The following ZFAND3 variants were observed in gnomAD, a reference collection of about 807,000 sequenced individuals.
The protein encoded by ZFAND3 is zinc finger AN1-type containing 3, also known as AN1-type zinc finger protein 3.
A neutral mutation model predicts 29.6 loss-of-function variants in ZFAND3; 10 were observed. That is an observed-to-expected ratio of 0.34 (90% CI 0.21 to 0.57). The LOEUF is 0.57. Ranked by LOEUF, ZFAND3 falls within the 20% of genes least tolerant of loss-of-function variation. ZFAND3 has a pLI of 0.86. For synonymous variants in ZFAND3, 128 were observed against 112.6 expected (o/e 1.14, Z -0.87); for missense variants, 230 against 304.5 (o/e 0.76, Z 1.82).
chr6:37,841,811 A>G (rs1393824894), intron 1 of ZFAND3, among the ~76,000 whole-genome samples: 7 of 152,178 alleles, frequency 4.6e-5, no homozygotes, highest in Admixed American at 4.6e-4. Flanking sequence ...TACAATTTAT[A>G]TACAGTGAAA....
Position 37,919,154 on chromosome 6 carries a change from A to G in ZFAND3, c.72-10805A>G, listed in dbSNP as rs191970388. On this transcript the variant is annotated intron_variant, in intron 1 of 5. Transcript: ENST00000287218. ...TTTTTAGTAGAGACGGGGTTTCACC[A>G]TGTTGGCCAGGGTGGTCTGAATCTC... 5.7e-3 allele frequency among the ~76,000 whole-genome samples: 865 copies of G among 151,992 alleles called. 7 individuals are homozygous for G. Among genetic ancestry groups the G allele is most frequent in the African/African-American group, 0.02 (828 of 41,474 alleles).
rs556547410 is a variant in ZFAND3 at position 38,007,581 on chromosome 6, G to A, written c.113-54012G>A. ...AAAGATCACTTAGTTCGTTGTGTAGGATTTAGGAATTGCTAATCAAGTAGT... is the reference window on the plus strand; with the variant it reads ...AAAGATCACTTAGTTCGTTGTGTAGAATTTAGGAATTGCTAATCAAGTAGT... On this transcript the variant is annotated intron_variant, in intron 2 of 5. Transcript: ENST00000287218. 2.6e-5 allele frequency among the ~76,000 whole-genome samples: 4 copies of A among 152,162 alleles called. No homozygotes were observed. The South Asian group carries it at 8.3e-4, about 32-fold the overall frequency.
chr6:38,039,954 A>G (rs989915922), intron 2 of ZFAND3, among the ~76,000 whole-genome samples: 10 of 152,142 alleles, frequency 6.6e-5, no homozygotes, highest in African/African-American at 2.4e-4. Context: ...TCAGAAAACA[A>G]TATTATTCTT....
At position 37,862,590 on chromosome 6, in the gene ZFAND3, G is replaced by A. The variant is rs544482316; in HGVS notation, c.71+42574G>A. Among the ~76,000 whole-genome samples the A allele has an allele frequency of 2.0e-5, 3 of 151,930 alleles. 1 individual carries two copies. Among genetic ancestry groups the A allele is most frequent in the African/African-American group, 7.2e-5 (3 of 41,450 alleles). Reference sequence around the variant, plus strand: ...GCTCAGCTACTCAGGAGGTTGAGGTGGGCGGGCTCACTTGAGCTCACTCAG... The same window carrying A: ...GCTCAGCTACTCAGGAGGTTGAGGTAGGCGGGCTCACTTGAGCTCACTCAG... On this transcript the variant is annotated intron_variant, in intron 1 of 5. Transcript: ENST00000287218.
At chr6:37,973,042 A>G (rs1455025703) in intron 2 of ZFAND3, among the ~76,000 whole-genome samples, 1 of 152,098 alleles carries the variant, frequency 6.6e-6, no homozygotes, top group African/African-American at 2.4e-5. Flanking sequence ...TGTCAAAGTC[A>G]TCATGAATAT....
At chr6:38,100,375 C>G (rs1158874176) in intron 4 of ZFAND3, among the ~76,000 whole-genome samples, 4 of 152,190 alleles carry the variant, frequency 2.6e-5, no homozygotes, top group Non-Finnish European at 4.4e-5. Context: ...AAACCTATTT[C>G]TAGAAGATTA....
chr6:37,997,189 A>G (rs1251217714), intron 2 of ZFAND3, among the ~76,000 whole-genome samples: 1 of 152,338 alleles, frequency 6.6e-6, no homozygotes, highest in Non-Finnish European at 1.5e-5. Context: ...AGTTATTTAT[A>G]CTGTTTTCTT....
At chr6:37,980,419 T>C (rs1195842149) in intron 2 of ZFAND3, among the ~76,000 whole-genome samples, 1 of 152,248 alleles carries the variant, frequency 6.6e-6, no homozygotes, top group Non-Finnish European at 1.5e-5. Context: ...ATCTCTCTTG[T>C]ATCATTTGCT....
Position 37,983,343 on chromosome 6 carries a change from C to CTTTTTTTTTTTTTT in ZFAND3, c.112+53361_112+53374dup, listed in dbSNP as rs70981516. 4.4e-4 allele frequency among the ~76,000 whole-genome samples: 22 copies of CTTTTTTTTTTTTTT among 50,044 alleles called. 1 individual carries two copies. The highest frequency in any genetic ancestry group is 1.5e-3 in the African/African-American group (19 of 12,358). 32.8% of individuals were successfully genotyped at this position (50,044 alleles called of 152,430 possible). ...CCTATACAGGTGTACCAGTTTTTAT[C>CTTTTTTTTTTTTTT]TTTTTTTTTTTTTTTTTTTTTTTTT... On this transcript the variant is annotated intron_variant, in intron 2 of 5. Transcript: ENST00000287218.
chr6:38,039,871 G>A (rs1238637378), intron 2 of ZFAND3, among the ~76,000 whole-genome samples: 4 of 152,066 alleles, frequency 2.6e-5, no homozygotes, highest in Non-Finnish European at 4.4e-5. Flanking sequence ...GTGGTTATTA[G>A]GCATGTTTTC....
intron 5 of ZFAND3, among the ~76,000 whole-genome samples, chr6:38,123,906 G>A (rs1765580793): frequency 6.6e-6 from 1 of 152,150 alleles, no homozygotes; most frequent in Non-Finnish European, 1.5e-5. Flanking sequence ...AAGATTTATT[G>A]CAAAGAGCGA....
At chr6:37,824,547 A>G (rs1763725285) in intron 1 of ZFAND3, among the ~76,000 whole-genome samples, 1 of 152,228 alleles carries the variant, frequency 6.6e-6, no homozygotes, top group African/African-American at 2.4e-5. Flanking sequence ...TTGCTTTTAC[A>G]ATTGGAGATA....
intron 5 of ZFAND3, among the ~76,000 whole-genome samples, chr6:38,123,110 G>A (rs1383004476): frequency 6.6e-6 from 1 of 152,236 alleles, no homozygotes; most frequent in Non-Finnish European, 1.5e-5. Context: ...CATGAAACAT[G>A]TTGGAAAGCC....
intron 2 of ZFAND3, among the ~76,000 whole-genome samples, chr6:37,985,528 C>CACACACA (rs372598964): frequency 3.9e-4 from 50 of 127,764 alleles, no homozygotes; most frequent in Middle Eastern, 4.0e-3. Flanking sequence ...CACACACACA[C>CACACACA]CCCCACACAC....
chr6:38,110,449 T>G (rs974435254), intron 4 of ZFAND3, among the ~76,000 whole-genome samples: 1 of 152,060 alleles, frequency 6.6e-6, no homozygotes, highest in African/African-American at 2.4e-5. Context: ...GTAAAGCAGG[T>G]TTTTTTCAAG....
chr6:38,042,479 A>C (rs1763810998), intron 2 of ZFAND3, among the ~76,000 whole-genome samples: 1 of 151,944 alleles, frequency 6.6e-6, no homozygotes, highest in South Asian at 2.1e-4. Context: ...ATGCCTAGCT[A>C]ATCTTTGTAT....
intron 4 of ZFAND3, among the ~76,000 whole-genome samples, chr6:38,082,998 A>G (rs1764692568): frequency 6.6e-6 from 1 of 152,206 alleles, no homozygotes; most frequent in African/African-American, 2.4e-5. Flanking sequence ...GGCTCTCTAA[A>G]GAGCAGTCAG....
chr6:38,124,472 C>G lies in ZFAND3; in HGVS notation c.529+7733C>G, dbSNP rs147320002. ...GGCATGGCGGGCTGCAGGTCCTGAG[C>G]CCTGCCCTGCCGGGAGGCAGCTAAA... On this transcript the variant is annotated intron_variant, in intron 5 of 5. Coordinates refer to ENST00000287218, the MANE Select transcript of ZFAND3 (RefSeq NM_021943.3). 3.9e-5 allele frequency among the ~76,000 whole-genome samples: 6 copies of G among 152,252 alleles called. 2 individuals are homozygous for G. Among genetic ancestry groups the G allele is most frequent in the Admixed American group, 3.3e-4 (5 of 15,308 alleles).
intron 2 of ZFAND3, among the ~76,000 whole-genome samples, chr6:37,940,203 A>G (rs1281325027): frequency 1.3e-5 from 2 of 152,220 alleles, no homozygotes; most frequent in Non-Finnish European, 2.9e-5. Context: ...ATAGACTCAG[A>G]AAAGCACGGG....
Sources: gnomAD v4.1 joint callset for allele counts (sites outside exome capture counted in the v4.1 genomes callset) on GRCh38, gnomAD v4.1.1 for gene constraint, MANE v1.5 for transcripts, NCBI Gene and HGNC (gene_info 2026-07-23, HGNC 2026-07-21) for gene names.